Variants in PHGDH observed in about 807,000 individuals in gnomAD.
PHGDH encodes D-3-phosphoglycerate dehydrogenase.
PHGDH carries 50 observed loss-of-function variants against 52.6 expected under a neutral mutation model. The observed-to-expected ratio is 0.95, with a 90% CI of 0.76 to 1.20. The LOEUF (loss-of-function observed/expected upper bound fraction) is 1.20, where lower values mean the gene tolerates loss of function less well. Among genes scored for constraint, PHGDH ranks in the 50% most tolerant of loss-of-function variants. The pLI, the probability that PHGDH is intolerant of heterozygous loss-of-function variation, is 0.00. For missense variants in PHGDH, 630 were observed against 684.6 expected (o/e 0.92, Z 0.89); for synonymous variants, 271 against 280.5 (o/e 0.97, Z 0.34).
At chr1:119,712,804 A>G (rs905460077) in intron 1 of PHGDH, among the ~76,000 whole-genome samples, 1 of 152,184 alleles carries the variant, frequency 6.6e-6, no homozygotes, top group Non-Finnish European at 1.5e-5. Flanking sequence ...GTCTGATGCA[A>G]GACTGCTCCG....
chr1:119,734,217 A>C, intron 5 of PHGDH: 1 of 313,112 alleles, frequency 3.2e-6, no homozygotes, highest in East Asian at 8.2e-5. Flanking sequence ...CTCCCTCAGG[A>C]CTCCCTGCTT....
chr1:119,737,051 G>A, intron 7 of PHGDH, 63 bp from the exon 8 acceptor site: 4 of 1,551,126 alleles, frequency 2.6e-6, no homozygotes, highest in Non-Finnish European at 3.6e-6. Context: ...TGTTGCCTGG[G>A]GTGGCCCAAG....
intron 8 of PHGDH, 112 bp downstream of exon 8, chr1:119,737,378 G>A: frequency 1.1e-6 from 1 of 925,676 alleles, no homozygotes; most frequent in Non-Finnish European, 1.6e-6. Flanking sequence ...CCTGGGAGCT[G>A]AAGATAAGGG....
chr1:119,741,902 G>T lies in PHGDH; in HGVS notation c.1209+5G>T, dbSNP rs374321849. The T allele has an allele frequency of 1.2e-6, 2 of 1,612,110 alleles. No individual in the cohort carries two copies. Among genetic ancestry groups the T allele is most frequent in the Non-Finnish European group, 1.7e-6 (2 of 1,178,486 alleles). ...GTGAAAGAGGCTGGCCTCAATGTGC[G>T]CCCCTCTCCCCCACGCTGCCTCCCC... On this transcript the variant is annotated splice_donor_5th_base_variant and intron_variant, in intron 10 of 11. Coordinates refer to ENST00000641023, the MANE Select transcript of PHGDH (RefSeq NM_006623.4).
At position 119,712,007 on chromosome 1, in the gene PHGDH, GAGGCCAACTCC is replaced by G. The variant is rs763669390; in HGVS notation, c.-13_-3del. 1 of 1,613,754 alleles carries G rather than the reference GAGGCCAACTCC, an allele frequency of 6.2e-7. No individual in the cohort carries two copies. The highest frequency in any genetic ancestry group is 8.5e-7 in the Non-Finnish European group (1 of 1,179,942). ...ACTTCTACTCACAGCGGCCGATTCC[GAGGCCAACTCC>G]AGCAATGGCTTTTGCAAATCTGCGG... On this transcript the variant is annotated 5_prime_UTR_variant, in exon 1 of 12. Coordinates refer to ENST00000641023, the MANE Select transcript of PHGDH (RefSeq NM_006623.4).
At chr1:119,720,069 C>T (rs1651082734) in intron 1 of PHGDH, 1 of 152,204 alleles carries the variant, frequency 6.6e-6, no homozygotes, top group African/African-American at 2.4e-5. Context: ...GTGTCTGCCA[C>T]TTTGGGACAG....
rs1379664644 is a variant in PHGDH at position 119,743,776 on chromosome 1, G to T, written c.1448-110G>T. 2.0e-5 allele frequency: 17 copies of T among 842,820 alleles called. 1 individual carries two copies. In the Admixed American group the frequency reaches 2.4e-4, roughly 12 times the overall value. The allele number at this position is 842,820 out of a possible 1,614,324, so 52.2% of individuals were successfully genotyped here. On this transcript the variant is annotated intron_variant, in intron 11 of 11. Coordinates refer to ENST00000641023, the MANE Select transcript of PHGDH (RefSeq NM_006623.4). ...CTCTTTGATTCTGAGACCATCATCC[G>T]CTCATTGCACCTTTGATCACAAAAG...
At chr1:119,712,562 G>C in intron 1 of PHGDH, 1 of 279,158 alleles carries the variant, frequency 3.6e-6, no homozygotes, top group South Asian at 3.5e-5. Context: ...CGCGCGGGGC[G>C]ATCGGGAGAG....
chr1:119,731,916 C>G (rs1203943532), intron 5 of PHGDH, among the ~76,000 whole-genome samples: 1 of 152,224 alleles, frequency 6.6e-6, no homozygotes, highest in Non-Finnish European at 1.5e-5. Context: ...TTCTCAAACT[C>G]AAGAGCCTCG....
rs147066269 is a variant in PHGDH, at chr1:119,735,357, C to T, written c.706C>T (p.Arg236Cys). The T allele has an allele frequency of 1.1e-4, 181 of 1,614,028 alleles. No individual in the cohort carries two copies. Among genetic ancestry groups the T allele is most frequent in the Non-Finnish European group, 1.4e-4 (171 of 1,180,016 alleles). Residue 236 changes from arginine to cysteine, a missense_variant, in exon 7 of 12, where the codon CGT (arginine) becomes TGT (cysteine). Coordinates refer to ENST00000641023, the MANE Select transcript of PHGDH (RefSeq NM_006623.4). ...GGGGGTGCGTGTGGTGAACTGTGCC[C>T]GTGGAGGGATCGTGGACGAAGGCGC... ...KKGVRVVNCA[R>C]GGIVDEGALL... is the part of the protein sequence containing the mutation.
chr1:119,733,526 G>C (rs973296679), intron 5 of PHGDH, among the ~76,000 whole-genome samples: 8 of 148,472 alleles, frequency 5.4e-5, no homozygotes, highest in East Asian at 2.0e-4. Context: ...GTAGGGGGGG[G>C]GGTCTGACTA....
At chr1:119,731,296 G>C (rs1034493343) in intron 5 of PHGDH, among the ~76,000 whole-genome samples, 2 of 152,158 alleles carry the variant, frequency 1.3e-5, no homozygotes, top group South Asian at 4.1e-4. Context: ...TTGTGTCTGC[G>C]AGAGACTTTT....
chr1:119,735,338 G>C lies in PHGDH; in HGVS notation c.687G>C (p.Val229=), dbSNP rs771651805. 2 of 1,614,212 alleles carry C rather than the reference G, an allele frequency of 1.2e-6. No homozygotes were observed. Among genetic ancestry groups the C allele is most frequent in the South Asian group, 2.2e-5 (2 of 91,088 alleles). The part of the protein sequence containing the change: ...DNTFAQCKKG[V]RVVNCARGGI... ...CCTTTGCCCAGTGCAAGAAGGGGGT[G>C]CGTGTGGTGAACTGTGCCCGTGGAG... Residue 229 remains valine (V), a synonymous_variant, in exon 7 of 12, where the codon GTG becomes GTC. Transcript: ENST00000641023.
At chr1:119,729,629 G>A (rs919338744) in intron 5 of PHGDH, 3 of 152,192 alleles carry the variant, frequency 2.0e-5, no homozygotes, top group Admixed American at 2.0e-4. Flanking sequence ...TGATTGAGGT[G>A]CTAGGTAAGC....
At chr1:119,727,180 C>G in intron 5 of PHGDH, 78 bp downstream of exon 5, 2 of 875,520 alleles carry the variant, frequency 2.3e-6, no homozygotes, top group South Asian at 2.7e-5. Context: ...GGGCAGAAGC[C>G]AGAAGCTTTG....
intron 5 of PHGDH, 48 bp from the exon 6 acceptor site, chr1:119,734,586 C>A: frequency 6.3e-7 from 1 of 1,575,460 alleles, no homozygotes; most frequent in Non-Finnish European, 8.7e-7. Context: ...AATAACAATA[C>A]TAATAATTAA....
At chr1:119,734,575 TAATAACAATAC>T in intron 5 of PHGDH, 48 bp from the exon 6 acceptor site, 4 of 1,515,868 alleles carry the variant, frequency 2.6e-6, no homozygotes, top group Non-Finnish European at 3.6e-6. Context: ...CCATTCTTAA[TAATAACAATAC>T]TAATAATTAA....
chr1:119,725,154 TCTC>T (rs982395831), intron 3 of PHGDH, among the ~76,000 whole-genome samples: 12 of 152,290 alleles, frequency 7.9e-5, no homozygotes, highest in African/African-American at 1.9e-4. Flanking sequence ...TGCTTTACCA[TCTC>T]CTCCTCTAGT....
chr1:119,742,551 GT>G, intron 10 of PHGDH: 1 of 593,240 alleles, frequency 1.7e-6, no homozygotes, highest in Non-Finnish European at 3.0e-6. Context: ...TTTCCTCCCT[GT>G]TTTCCTCCAA....
Sources: gnomAD v4.1 joint callset for allele counts (sites outside exome capture counted in the v4.1 genomes callset) on GRCh38, gnomAD v4.1.1 for gene constraint, MANE v1.5 for transcripts, NCBI Gene and HGNC (gene_info 2026-07-23, HGNC 2026-07-21) for gene names.